Variants in RIN2 observed in about 807,000 individuals in gnomAD.
RIN2 encodes the protein RAB5 interacting protein 2.
In RIN2, 36 loss-of-function variants were observed where a neutral mutation model predicts 78.0. The observed-to-expected ratio is 0.46, with a 90% CI of 0.35 to 0.61. The LOEUF is 0.61. Ranked by LOEUF, RIN2 falls within the 20% of genes least tolerant of loss-of-function variation. RIN2 has a pLI of 0.00. For synonymous variants in RIN2, 466 were observed against 466.8 expected (o/e 1.00, Z 0.02); for missense variants, 1,087 against 1,159.7 (o/e 0.94, Z 0.91).
intron 2 of RIN2, among the ~76,000 whole-genome samples, chr20:19,822,341 A>G (rs1182899375): frequency 6.6e-6 from 1 of 152,202 alleles, no homozygotes; most frequent in African/African-American, 2.4e-5. Flanking sequence ...TTATAAATGA[A>G]GTTAGTATAG....
At chr20:19,927,567 G>A (rs570020069) in intron 3 of RIN2, among the ~76,000 whole-genome samples, 30 of 151,718 alleles carry the variant, frequency 2.0e-4, no homozygotes, top group African/African-American at 6.5e-4. Context: ...GGTGCATGCC[G>A]CCATGCCCAA....
At chr20:19,821,662 C>T (rs182324007) in intron 2 of RIN2, among the ~76,000 whole-genome samples, 29 of 149,042 alleles carry the variant, frequency 1.9e-4, no homozygotes, top group African/African-American at 6.8e-4. Flanking sequence ...TCACGCTGCT[C>T]TCTCTCTCTC....
In RIN2 at chr20:20,002,085, T is replaced by A. The variant is rs1213123108; in HGVS notation, c.*1149T>A. The A allele has an allele frequency of 1.3e-5, 2 of 152,324 alleles. No homozygotes were observed. Among genetic ancestry groups the A allele is most frequent in the Admixed American group, 6.5e-5 (1 of 15,286 alleles). 9.4% of individuals were successfully genotyped at this position (152,324 alleles called of 1,614,324 possible). ...ATGTATAATGTGGCTTTTGTTGAGT[T>A]AAATAAGATGCTATATAATGGAGAA... On this transcript the variant is annotated 3_prime_UTR_variant, in exon 13 of 13. Coordinates refer to ENST00000255006, the MANE Select transcript of RIN2 (RefSeq NM_018993.4).
At chr20:19,797,729 T>C (rs1024995610) in intron 1 of RIN2, among the ~76,000 whole-genome samples, 4 of 152,146 alleles carry the variant, frequency 2.6e-5, no homozygotes, top group African/African-American at 9.7e-5. Flanking sequence ...AGAAGGAAAG[T>C]GGGATTTAAA....
intron 2 of RIN2, among the ~76,000 whole-genome samples, chr20:19,825,125 C>A (rs2036049620): frequency 6.6e-6 from 1 of 152,226 alleles, no homozygotes; most frequent in Non-Finnish European, 1.5e-5. Context: ...TCCCTGCAAC[C>A]ACTGGCTTGA....
chr20:19,793,367 G>A lies in RIN2; in HGVS notation c.-162-6255G>A, dbSNP rs369758583. On this transcript the variant is annotated intron_variant, in intron 1 of 12. Transcript: ENST00000255006. Reference sequence around the variant, plus strand: ...GGTGCTCGATTGCCACACAGGGCCCGTGGCTGCTATATTGGATGGCTCAGC... The same window carrying A: ...GGTGCTCGATTGCCACACAGGGCCCATGGCTGCTATATTGGATGGCTCAGC... Among the ~76,000 whole-genome samples, 338 of 152,286 alleles carry A rather than the reference G, an allele frequency of 2.2e-3. 1 individual carries two copies. The highest frequency in any genetic ancestry group is 3.5e-3 in the Non-Finnish European group (239 of 68,010).
intron 1 of RIN2, among the ~76,000 whole-genome samples, chr20:19,768,408 C>T (rs181054482): frequency 2.8e-4 from 43 of 152,334 alleles, no homozygotes; most frequent in Admixed American, 5.2e-4. Context: ...TTTCTGGAGA[C>T]GCTCTACCCC....
intron 1 of RIN2, among the ~76,000 whole-genome samples, chr20:19,764,932 T>G (rs1318178515): frequency 3.8e-5 from 5 of 132,814 alleles, no homozygotes; most frequent in Non-Finnish European, 8.0e-5. Context: ...TTTTTTTTTT[T>G]TTTTTTTTTT....
chr20:19,837,629 AATG>A (rs1356345188), intron 2 of RIN2, among the ~76,000 whole-genome samples: 1 of 152,184 alleles, frequency 6.6e-6, no homozygotes, highest in Non-Finnish European at 1.5e-5. Flanking sequence ...ATTCTTAGCA[AATG>A]ATAAGCCAAG....
intron 6 of RIN2, among the ~76,000 whole-genome samples, chr20:19,963,455 C>T (rs934595558): frequency 5.3e-5 from 8 of 151,842 alleles, no homozygotes; most frequent in Admixed American, 2.0e-4. Context: ...ACTAAAAATA[C>T]AAAATTAGCC....
chr20:19,829,632 G>T (rs1232858311), intron 2 of RIN2, among the ~76,000 whole-genome samples: 1 of 152,194 alleles, frequency 6.6e-6, no homozygotes, highest in African/African-American at 2.4e-5. Context: ...GCCTCTAGCT[G>T]GTTTAGGCAG....
At chr20:19,836,709 A>C (rs2036428925) in intron 2 of RIN2, among the ~76,000 whole-genome samples, 1 of 152,014 alleles carries the variant, frequency 6.6e-6, no homozygotes, top group South Asian at 2.1e-4. Context: ...TCATCTATTT[A>C]ATTTTTGTAG....
chr20:19,937,877 G>A (rs929653727), intron 4 of RIN2, among the ~76,000 whole-genome samples: 8 of 152,334 alleles, frequency 5.3e-5, no homozygotes, highest in East Asian at 3.9e-4. Context: ...ATCACAGGTC[G>A]TGATACTACT....
chr20:19,977,787 A>C (rs1440536468), intron 9 of RIN2, among the ~76,000 whole-genome samples: 1 of 152,164 alleles, frequency 6.6e-6, no homozygotes, highest in East Asian at 1.9e-4. Flanking sequence ...CTCAGACTAA[A>C]GCTCTCTGTT....
rs1282362519 is a variant in RIN2 at position 19,975,009 on chromosome 20, T to C, written c.984T>C (p.Thr328=). Residue 328 remains threonine, a synonymous_variant, in exon 9 of 13, where the codon ACT becomes ACC. Coordinates refer to ENST00000255006, the MANE Select transcript of RIN2 (RefSeq NM_018993.4). This position sits in a 1 kb window ranked among gnomAD's most constrained non-coding sequence, Gnocchi z 4.9. ...ACACAAGCCCTCGGCTGGCCAGGAC[T>C]GAAACCCAGACGAGCATGCCAGAAA... ...SLHTSPRLAR[T]ETQTSMPETV... is the part of the protein sequence containing the mutation. The C allele has an allele frequency of 6.4e-7, 1 of 1,570,856 alleles. No individual in the cohort carries two copies. The highest frequency in any genetic ancestry group is 1.1e-5 in the South Asian group (1 of 90,334).
chr20:19,944,869 T>G (rs534808286), intron 4 of RIN2, among the ~76,000 whole-genome samples: 3 of 152,042 alleles, frequency 2.0e-5, no homozygotes, highest in African/African-American at 4.8e-5. Context: ...CAAAACAAGC[T>G]CCAGAGTTGT....
chr20:19,962,958 CA>C (rs1224203750), intron 6 of RIN2, among the ~76,000 whole-genome samples: 1 of 152,236 alleles, frequency 6.6e-6, no homozygotes, highest in Admixed American at 6.5e-5. Flanking sequence ...GACTTTATCT[CA>C]AATAAATAAA....
intron 2 of RIN2, among the ~76,000 whole-genome samples, chr20:19,854,909 A>C (rs933628067): frequency 6.3e-4 from 96 of 152,320 alleles, no homozygotes; most frequent in African/African-American, 2.3e-3. Flanking sequence ...CAGAACTTCC[A>C]AGGCTATGTT....
intron 8 of RIN2, among the ~76,000 whole-genome samples, chr20:19,973,088 T>C (rs1230640925): frequency 2.0e-5 from 3 of 152,240 alleles, no homozygotes; most frequent in Admixed American, 1.3e-4. Flanking sequence ...CAGAAATACA[T>C]GGTTTGTATT....
Sources: gnomAD v4.1 joint callset for allele counts (sites outside exome capture counted in the v4.1 genomes callset) on GRCh38, gnomAD v4.1.1 for gene constraint, Gnocchi (gnomAD v3.1) non-coding constraint, MANE v1.5 for transcripts, NCBI Gene and HGNC (gene_info 2026-07-23, HGNC 2026-07-21) for gene names.